Variants in PCSK5 observed in about 807,000 individuals in gnomAD.
PCSK5 encodes prohormone convertase 5.
Under a neutral mutation model 233.2 loss-of-function variants are expected in PCSK5, and 129 were observed. The observed-to-expected ratio is 0.55, with a 90% confidence interval of 0.48 to 0.64. The LOEUF (loss-of-function observed/expected upper bound fraction) is 0.64, where lower values mean the gene tolerates loss of function less well. Among genes scored for constraint, PCSK5 ranks in the 30% least tolerant of loss-of-function variants. The pLI, the probability that PCSK5 is intolerant of heterozygous loss-of-function variation, is 0.00. For synonymous variants in PCSK5, 825 were observed against 879.2 expected, an observed-to-expected ratio of 0.94 and a Z score of 1.09; for missense variants, 2,076 against 2,430.1, an observed-to-expected ratio of 0.85 and a Z score of 3.06.
chr9:75,939,889 G>A (rs1824222313), intron 2 of PCSK5, among the ~76,000 whole-genome samples: 1 of 152,154 alleles, frequency 6.6e-6, no homozygotes, highest in African/African-American at 2.4e-5. Flanking sequence ...CGATGAGTAA[G>A]CAATGGGCAT....
intron 2 of PCSK5, among the ~76,000 whole-genome samples, chr9:75,966,917 C>A (rs976541146): frequency 5.3e-5 from 8 of 152,080 alleles, no homozygotes; most frequent in African/African-American, 1.9e-4. Context: ...AAAGTTATAT[C>A]TTTAACATAA....
chr9:76,132,833 A>G (rs939996046), intron 9 of PCSK5, among the ~76,000 whole-genome samples: 1 of 152,094 alleles, frequency 6.6e-6, no homozygotes, highest in Non-Finnish European at 1.5e-5. Context: ...TGAAGGAGCC[A>G]GAATCTGATC....
chr9:76,349,114 A>G (rs1218607773), intron 35 of PCSK5, among the ~76,000 whole-genome samples: 3 of 49,836 alleles, frequency 6.0e-5, no homozygotes, highest in East Asian at 1.1e-3. Context: ...TACTAAAAAC[A>G]TAAAAAAAAA....
At chr9:75,953,472 G>A (rs2131329090) in intron 2 of PCSK5, among the ~76,000 whole-genome samples, 1 of 152,280 alleles carries the variant, frequency 6.6e-6, no homozygotes, top group Non-Finnish European at 1.5e-5. Flanking sequence ...ATGAGGGGAT[G>A]AATTTCACCA....
intron 12 of PCSK5, 68 bp from the exon 13 acceptor site, chr9:76,169,636 T>C: frequency 1.4e-6 from 2 of 1,448,704 alleles, no homozygotes; most frequent in Non-Finnish European, 9.6e-7. Context: ...ACAGTGTCGA[T>C]TGTGGTATTA....
chr9:76,230,763 C>T lies in PCSK5; in HGVS notation c.2730-2697C>T, dbSNP rs554344880. On this transcript the variant is annotated intron_variant, in intron 21 of 37. Transcript: ENST00000674117. ...CTGCCCATGTGAGGAATCTAGGTTG[C>T]GTGCTCATTATGAGAATCTAATGCC... Among the ~76,000 whole-genome samples the T allele has an allele frequency of 5.9e-5, 9 of 152,146 alleles. No individual in the cohort carries two copies. The South Asian group carries it at 1.5e-3, about 25-fold the overall frequency.
intron 20 of PCSK5, chr9:76,193,621 A>G: frequency 3.1e-6 from 1 of 319,574 alleles, no homozygotes; most frequent in Non-Finnish European, 5.7e-6. Context: ...CAGAGACAGT[A>G]TTGTATGACC....
intron 24 of PCSK5, among the ~76,000 whole-genome samples, chr9:76,261,247 G>C (rs1368168994): frequency 1.3e-5 from 2 of 152,202 alleles, no homozygotes; most frequent in Non-Finnish European, 2.9e-5. Flanking sequence ...GTTTACACAT[G>C]AGGAAACATC....
intron 24 of PCSK5, among the ~76,000 whole-genome samples, chr9:76,264,538 A>G (rs1827276384): frequency 6.6e-6 from 1 of 152,180 alleles, no homozygotes; most frequent in Non-Finnish European, 1.5e-5. Flanking sequence ...AAGGTTTAAC[A>G]TCCAGAATCT....
At chr9:76,208,576 G>A (rs1057241178) in intron 20 of PCSK5, among the ~76,000 whole-genome samples, 1 of 152,046 alleles carries the variant, frequency 6.6e-6, no homozygotes, top group African/African-American at 2.4e-5. Flanking sequence ...TATTTTTAGA[G>A]CCTCCCATTA....
At chr9:76,348,312 G>GA (rs1830031815) in intron 35 of PCSK5, among the ~76,000 whole-genome samples, 1 of 152,132 alleles carries the variant, frequency 6.6e-6, no homozygotes, top group Admixed American at 6.5e-5. Context: ...TCAGGAGGCT[G>GA]AGGTAGGAGA....
chr9:76,105,903 G>A (rs1011899553), intron 8 of PCSK5, among the ~76,000 whole-genome samples: 1 of 152,208 alleles, frequency 6.6e-6, no homozygotes, highest in Non-Finnish European at 1.5e-5. Context: ...CAGCCAGAAT[G>A]CCTATCTAGA....
At chr9:76,220,607 T>TA (rs1400989747) in intron 20 of PCSK5, among the ~76,000 whole-genome samples, 1 of 151,536 alleles carries the variant, frequency 6.6e-6, no homozygotes, top group Non-Finnish European at 1.5e-5. Flanking sequence ...GGTCTGGTCT[T>TA]ACAACCAGCT....
chr9:75,900,184 G>C (rs1318233221), intron 1 of PCSK5, among the ~76,000 whole-genome samples: 1 of 152,142 alleles, frequency 6.6e-6, no homozygotes, highest in Non-Finnish European at 1.5e-5. Context: ...AAAAGGGTTT[G>C]AAACCTAATA....
chr9:76,221,326 T>C (rs1026263002), intron 20 of PCSK5, among the ~76,000 whole-genome samples: 1 of 152,220 alleles, frequency 6.6e-6, no homozygotes, highest in Non-Finnish European at 1.5e-5. Flanking sequence ...TTCTTTCTTT[T>C]TATAAATAGC....
At chr9:76,132,311 G>GT (rs1166903034) in intron 9 of PCSK5, among the ~76,000 whole-genome samples, 3 of 152,154 alleles carry the variant, frequency 2.0e-5, no homozygotes, top group South Asian at 2.1e-4. Flanking sequence ...TTTCTTGAAA[G>GT]TTTTTTGCTT....
intron 24 of PCSK5, among the ~76,000 whole-genome samples, chr9:76,275,021 C>A (rs1055954896): frequency 2.0e-5 from 3 of 152,120 alleles, no homozygotes; most frequent in African/African-American, 7.2e-5. Flanking sequence ...AAGAGGACAG[C>A]ACCACCCCAT....
At chr9:76,255,175 T>C (rs1354230304) in intron 24 of PCSK5, among the ~76,000 whole-genome samples, 1 of 152,006 alleles carries the variant, frequency 6.6e-6, no homozygotes, top group Non-Finnish European at 1.5e-5. Flanking sequence ...TAGTCCCAGC[T>C]ACTAGGGAGG....
intron 1 of PCSK5, among the ~76,000 whole-genome samples, chr9:75,907,431 T>C (rs550932808): frequency 6.6e-6 from 1 of 152,310 alleles, no homozygotes; most frequent in East Asian, 1.9e-4. Context: ...TAAAAAGCAG[T>C]GTTCTAGGAT....
Sources: allele counts gnomAD v4.1 joint callset (sites outside exome capture counted in the v4.1 genomes callset), GRCh38; gene constraint gnomAD v4.1.1; transcripts MANE v1.5; gene names NCBI Gene and HGNC (gene_info 2026-07-23, HGNC 2026-07-21).